The following TBC1D22A variants were observed in gnomAD, a reference collection of about 807,000 sequenced individuals.
TBC1D22A encodes the protein putative GTPase activator.
A neutral mutation model predicts 60.2 loss-of-function variants in TBC1D22A; 38 were observed. The observed-to-expected ratio is 0.63, with a 90% confidence interval of 0.49 to 0.83. The LOEUF is 0.83. TBC1D22A is among the 40% of genes least tolerant of loss of function. The probability of loss-of-function intolerance (pLI) is 0.00; values close to 1 mark genes in which losing one functional copy is unlikely to be tolerated. For synonymous variants in TBC1D22A, 302 were observed against 281.7 expected, an observed-to-expected ratio of 1.07 and a Z score of -0.72; for missense variants, 628 against 701.0, an observed-to-expected ratio of 0.90 and a Z score of 1.18.
intron 12 of TBC1D22A, among the ~76,000 whole-genome samples, chr22:47,130,548 T>G (rs547593126): frequency 6.6e-5 from 10 of 152,198 alleles, no homozygotes; most frequent in Non-Finnish European, 1.5e-4. Context: ...GAATTTGCTC[T>G]CCTCTCTTAC....
intron 7 of TBC1D22A, 55 bp from the exon 8 acceptor site, chr22:46,912,019 T>A (rs896740700): frequency 1.6e-6 from 2 of 1,214,330 alleles, no homozygotes; most frequent in Admixed American, 1.8e-5. Flanking sequence ...GCTTTCATTT[T>A]AAAGTTTCTG....
intron 10 of TBC1D22A, 82 bp from the exon 11 acceptor site, chr22:47,036,989 C>T: frequency 6.3e-7 from 1 of 1,582,486 alleles, no homozygotes; most frequent in Non-Finnish European, 8.6e-7. Context: ...GGGCGCAGGC[C>T]CTTGGGGGAC....
intron 7 of TBC1D22A, among the ~76,000 whole-genome samples, chr22:46,895,528 C>T (rs904322889): frequency 2.0e-5 from 3 of 152,192 alleles, no homozygotes; most frequent in African/African-American, 4.8e-5. Flanking sequence ...CCCACCACCA[C>T]GCCCGGCTAA....
At chr22:47,078,315 G>A (rs1649495117) in intron 11 of TBC1D22A, among the ~76,000 whole-genome samples, 1 of 152,192 alleles carries the variant, frequency 6.6e-6, no homozygotes, top group African/African-American at 2.4e-5. Flanking sequence ...ACGTGAGTAT[G>A]TTTCAATCTA....
rs2061662246 is a variant in TBC1D22A, at chr22:47,008,779, C to T, written c.1201+11070C>T. On this transcript the variant is annotated intron_variant, in intron 10 of 12. Coordinates refer to ENST00000337137, the MANE Select transcript of TBC1D22A (RefSeq NM_014346.5). ...AGAGAGGCAGGAGAGCCTTCTGTCCCTTCTTCCAGGTAGAGCAAACAAGCT... is the reference window on the plus strand; with the variant it reads ...AGAGAGGCAGGAGAGCCTTCTGTCCTTTCTTCCAGGTAGAGCAAACAAGCT... 2.0e-5 allele frequency among the ~76,000 whole-genome samples: 3 copies of T among 152,192 alleles called. No individual in the cohort carries two copies. In the South Asian group the frequency reaches 6.2e-4, roughly 32 times the overall value.
chr22:47,031,325 C>CTG (rs2062464833), intron 10 of TBC1D22A, among the ~76,000 whole-genome samples: 2 of 152,170 alleles, frequency 1.3e-5, no homozygotes, highest in Admixed American at 6.5e-5. Flanking sequence ...GCTGCTGAGC[C>CTG]CCCGGCGGGC....
At chr22:46,836,215 G>T (rs137880961) in intron 4 of TBC1D22A, among the ~76,000 whole-genome samples, 1 of 152,132 alleles carries the variant, frequency 6.6e-6, no homozygotes, top group Non-Finnish European at 1.5e-5. Flanking sequence ...CACAGTTAAC[G>T]CCAGTATAAA....
chr22:47,077,049 G>T (rs115589775), intron 11 of TBC1D22A, among the ~76,000 whole-genome samples: 1 of 152,166 alleles, frequency 6.6e-6, no homozygotes, highest in African/African-American at 2.4e-5. Flanking sequence ...CGTATTATTG[G>T]CAAAATGTAA....
At chr22:46,819,165 C>A (rs1006950023) in intron 4 of TBC1D22A, among the ~76,000 whole-genome samples, 1 of 152,176 alleles carries the variant, frequency 6.6e-6, no homozygotes, top group Non-Finnish European at 1.5e-5. Flanking sequence ...AATATAAAAT[C>A]ATGTCATCTG....
intron 4 of TBC1D22A, among the ~76,000 whole-genome samples, chr22:46,810,574 G>A (rs978794615): frequency 6.6e-6 from 1 of 152,086 alleles, no homozygotes; most frequent in Non-Finnish European, 1.5e-5. Context: ...TAAAAATTCT[G>A]TTTTAAAAAC....
intron 7 of TBC1D22A, among the ~76,000 whole-genome samples, chr22:46,902,341 A>G (rs2147693717): frequency 6.6e-6 from 1 of 152,368 alleles, no homozygotes; most frequent in East Asian, 1.9e-4. Context: ...TGCAGAAAAG[A>G]TACTTTGGGA....
At chr22:47,059,269 G>A (rs2063493940) in intron 11 of TBC1D22A, among the ~76,000 whole-genome samples, 1 of 152,254 alleles carries the variant, frequency 6.6e-6, no homozygotes, top group African/African-American at 2.4e-5. Context: ...ACACACTGGT[G>A]TGGGTGCGCA....
At chr22:46,788,491 G>A (rs1291529094) in intron 1 of TBC1D22A, among the ~76,000 whole-genome samples, 3 of 152,222 alleles carry the variant, frequency 2.0e-5, no homozygotes, top group Admixed American at 6.5e-5. Context: ...GCAGTGGCAC[G>A]TGGCATGGTG....
At chr22:47,042,424 G>C (rs200559232) in intron 11 of TBC1D22A, among the ~76,000 whole-genome samples, 2 of 86,216 alleles carry the variant, frequency 2.3e-5, no homozygotes, top group Non-Finnish European at 4.3e-5. Context: ...GAGAGAGGAA[G>C]AGAGAGGAGA....
chr22:47,005,560 T>C (rs2148276059), intron 10 of TBC1D22A, among the ~76,000 whole-genome samples: 1 of 151,186 alleles, frequency 6.6e-6, no homozygotes, highest in South Asian at 2.1e-4. Context: ...CCTACACACA[T>C]ATGCATATAA....
At chr22:46,942,643 T>C (rs979340736) in intron 8 of TBC1D22A, among the ~76,000 whole-genome samples, 1 of 152,136 alleles carries the variant, frequency 6.6e-6, no homozygotes, top group African/African-American at 2.4e-5. Context: ...TGATGTGCGC[T>C]CGGCCACCAG....
At chr22:46,937,513 A>G (rs767724299) in intron 8 of TBC1D22A, among the ~76,000 whole-genome samples, 5 of 152,246 alleles carry the variant, frequency 3.3e-5, no homozygotes, top group Non-Finnish European at 7.3e-5. Flanking sequence ...TGATCATGAT[A>G]GTAAATGACT....
chr22:46,904,791 C>G (rs1010587821), intron 7 of TBC1D22A, among the ~76,000 whole-genome samples: 3 of 111,280 alleles, frequency 2.7e-5, no homozygotes, highest in Non-Finnish European at 5.4e-5. Context: ...TTTTTTTTTT[C>G]TGAGACAGAG....
At chr22:46,884,475 C>T (rs1011333795) in intron 5 of TBC1D22A, among the ~76,000 whole-genome samples, 1 of 152,190 alleles carries the variant, frequency 6.6e-6, no homozygotes, top group Non-Finnish European at 1.5e-5. Flanking sequence ...GTGCCGTGGG[C>T]TCCTCCCACA....
Sources: allele counts gnomAD v4.1 joint callset (sites outside exome capture counted in the v4.1 genomes callset), GRCh38; gene constraint gnomAD v4.1.1; transcripts MANE v1.5; gene names NCBI Gene and HGNC (gene_info 2026-07-23, HGNC 2026-07-21).